IGF1R: variants seen among roughly 807,000 people sequenced by gnomAD.
IGF1R encodes the protein insulin-like growth factor 1 receptor.
Under a neutral mutation model 144.6 loss-of-function variants are expected in IGF1R, and 44 were observed. The observed-to-expected ratio is 0.30, with a 90% CI of 0.24 to 0.39. The LOEUF is 0.39. IGF1R is among the 10% of genes least tolerant of loss of function. The pLI is 1.00. For missense variants in IGF1R, 1,355 were observed against 1,833.7 expected, an observed-to-expected ratio of 0.74 and a Z score of 4.77; for synonymous variants, 795 against 722.8, an observed-to-expected ratio of 1.10 and a Z score of -1.60.
intron 2 of IGF1R, among the ~76,000 whole-genome samples, chr15:98,730,586 A>T (rs188795887): frequency 2.0e-5 from 3 of 152,350 alleles, no homozygotes; most frequent in Admixed American, 2.0e-4. Flanking sequence ...TGTGAAAATG[A>T]GGATGGAAGA....
Position 98,957,230 on chromosome 15 carries a change from G to C in IGF1R, c.3892G>C (p.Glu1298Gln). The C allele has an allele frequency of 6.2e-7, 1 of 1,614,262 alleles. No homozygotes were observed. ...GCCGGAGGAGCTGGACCTGGAGCCA[G>C]AGAACATGGAGAGCGTCCCCCTGGA... ...PEPEELDLEP[E>Q]NMESVPLDPS... The change falls in exon 21 of 21, where the codon GAG becomes CAG. Residue 1298 changes from glutamate to glutamine, a missense_variant. Physicochemically the swap from Glu to Gln is conservative, Grantham distance 29. Transcript: ENST00000650285.
chr15:98,658,580 C>T (rs950387634), intron 1 of IGF1R, among the ~76,000 whole-genome samples: 1 of 152,188 alleles, frequency 6.6e-6, no homozygotes, highest in African/African-American at 2.4e-5. Flanking sequence ...AAGATCATAA[C>T]TTTCAAAAGG....
chr15:98,886,073 C>T (rs2013626034), intron 2 of IGF1R, among the ~76,000 whole-genome samples: 1 of 152,184 alleles, frequency 6.6e-6, no homozygotes, highest in Non-Finnish European at 1.5e-5. Context: ...CCGCCTCGGC[C>T]TCCCAAAGTG....
At chr15:98,940,282 A>G (rs552706068) in intron 18 of IGF1R, among the ~76,000 whole-genome samples, 1 of 152,360 alleles carries the variant, frequency 6.6e-6, no homozygotes, top group African/African-American at 2.4e-5. Context: ...CTCTGTGTCT[A>G]GTTCTTGAAC....
intron 2 of IGF1R, among the ~76,000 whole-genome samples, chr15:98,783,907 T>C (rs979709776): frequency 1.3e-5 from 2 of 151,774 alleles, no homozygotes; most frequent in African/African-American, 2.4e-5. Flanking sequence ...TTATGTGCTA[T>C]ATGCACATAG....
chr15:98,750,080 A>C (rs1223078127), intron 2 of IGF1R, among the ~76,000 whole-genome samples: 1 of 152,202 alleles, frequency 6.6e-6, no homozygotes, highest in East Asian at 1.9e-4. Context: ...TTTTGATTCC[A>C]GTGAAAGTTC....
intron 2 of IGF1R, among the ~76,000 whole-genome samples, chr15:98,866,420 C>T (rs1160083714): frequency 2.6e-5 from 4 of 152,170 alleles, no homozygotes; most frequent in African/African-American, 9.7e-5. Context: ...TATATTAATG[C>T]GGGCCTCTGC....
intron 19 of IGF1R, among the ~76,000 whole-genome samples, chr15:98,946,458 G>A (rs2016558141): frequency 6.6e-6 from 1 of 152,178 alleles, no homozygotes; most frequent in Non-Finnish European, 1.5e-5. Context: ...TGAGCAAGAT[G>A]TTGTAACCAA....
chr15:98,650,428 A>G (rs2052330284), intron 1 of IGF1R, among the ~76,000 whole-genome samples: 1 of 151,984 alleles, frequency 6.6e-6, no homozygotes, highest in Non-Finnish European at 1.5e-5. Context: ...CGAGGCCGGG[A>G]GTCTTCCTCA....
intron 1 of IGF1R, among the ~76,000 whole-genome samples, chr15:98,664,375 A>G (rs1305580087): frequency 6.6e-6 from 1 of 152,058 alleles, no homozygotes; most frequent in Non-Finnish European, 1.5e-5. Context: ...AGATAATGCC[A>G]CCCATCAGGC....
intron 12 of IGF1R, among the ~76,000 whole-genome samples, chr15:98,924,283 T>C (rs943008845): frequency 2.0e-5 from 3 of 152,272 alleles, no homozygotes; most frequent in African/African-American, 7.2e-5. Flanking sequence ...TTCTAATAAC[T>C]TTTAATCCTT....
At chr15:98,925,940 A>G (rs145495619) in intron 13 of IGF1R, among the ~76,000 whole-genome samples, 433 of 152,202 alleles carry the variant, frequency 2.8e-3, no homozygotes, top group African/African-American at 9.7e-3. Context: ...AGCGCACTCA[A>G]TAGGTCCAGC....
At chr15:98,918,908 A>G (rs530249398) in intron 10 of IGF1R, among the ~76,000 whole-genome samples, 13 of 151,870 alleles carry the variant, frequency 8.6e-5, no homozygotes, top group Non-Finnish European at 1.6e-4. Context: ...AGCTGTGAGA[A>G]GGGCCTGCGA....
intron 2 of IGF1R, among the ~76,000 whole-genome samples, chr15:98,867,195 T>C (rs138570878): frequency 1.8e-3 from 278 of 150,828 alleles, no homozygotes; most frequent in African/African-American, 6.4e-3. Flanking sequence ...AATAACCCAT[T>C]CTAAACAACT....
rs1404509734 is a variant in IGF1R, at chr15:98,651,390, T to C, written c.94+1715T>C. Among the ~76,000 whole-genome samples the C allele has an allele frequency of 3.3e-5, 5 of 152,320 alleles. No homozygotes were observed. In the East Asian group the frequency reaches 5.8e-4, roughly 18 times the overall value. On this transcript the variant is annotated intron_variant, in intron 1 of 20. Coordinates refer to ENST00000650285, the MANE Select transcript of IGF1R (RefSeq NM_000875.5). The stretch of plus-strand genomic sequence containing the variant: ...TTTTCTAAACTTTCAGCGGACTCGA[T>C]TGGGCGAAAGCCTTCCGGCTCCCTT...
intron 15 of IGF1R, among the ~76,000 whole-genome samples, chr15:98,932,218 G>A (rs1237562713): frequency 6.6e-6 from 1 of 152,218 alleles, no homozygotes; most frequent in Non-Finnish European, 1.5e-5. Context: ...TGCCACCCAG[G>A]TCGACAGGTG....
At chr15:98,918,128 C>T (rs2151685045) in intron 10 of IGF1R, among the ~76,000 whole-genome samples, 1 of 152,218 alleles carries the variant, frequency 6.6e-6, no homozygotes, top group Non-Finnish European at 1.5e-5. Context: ...AGTGGTGCTC[C>T]CTGGCCCCCT....
At chr15:98,899,650 G>T (rs770978473) in intron 5 of IGF1R, 29 bp downstream of exon 5, 6 of 1,609,774 alleles carry the variant, frequency 3.7e-6, no homozygotes, top group South Asian at 2.2e-5. Context: ...ATGAGCTGAC[G>T]TTCTATTACA....
In IGF1R at chr15:98,712,689, A is replaced by T. The variant is rs530490614; in HGVS notation, c.640+4582A>T. On this transcript the variant is annotated intron_variant, in intron 2 of 20. Coordinates refer to ENST00000650285, the MANE Select transcript of IGF1R (RefSeq NM_000875.5). ...AGTGGTGCGATCTTGGCTCATTGCA[A>T]CCTCCGGGCTCCCAGGTTCAAGTGA... Among the ~76,000 whole-genome samples, 25 of 150,830 alleles carry T rather than the reference A, an allele frequency of 1.7e-4. No homozygotes were observed. The South Asian group carries it at 4.2e-3, about 25-fold the overall frequency.
Sources: allele counts gnomAD v4.1 joint callset (sites outside exome capture counted in the v4.1 genomes callset), GRCh38; gene constraint gnomAD v4.1.1; transcripts MANE v1.5; gene names NCBI Gene and HGNC (gene_info 2026-07-23, HGNC 2026-07-21).